EXPH5: variants seen among roughly 807,000 people sequenced by gnomAD.
The protein encoded by EXPH5 is exophilin-5.
Under a neutral mutation model 41.1 loss-of-function variants are expected in EXPH5, and 42 were observed. The observed-to-expected ratio is 1.02, with a 90% CI of 0.80 to 1.32. EXPH5 has a LOEUF of 1.32. Ranked by LOEUF, EXPH5 falls within the 40% of genes most tolerant of loss-of-function variation. The probability of loss-of-function intolerance (pLI) is 0.00; values close to 1 mark genes in which losing one functional copy is unlikely to be tolerated. For synonymous variants in EXPH5, 798 were observed against 833.5 expected, an observed-to-expected ratio of 0.96 and a Z score of 0.73; for missense variants, 2,298 against 2,314.5, an observed-to-expected ratio of 0.99 and a Z score of 0.15.
intron 1 of EXPH5, among the ~76,000 whole-genome samples, chr11:108,567,503 C>T (rs930152402): frequency 6.6e-6 from 1 of 152,164 alleles, no homozygotes; most frequent in Admixed American, 6.5e-5. Flanking sequence ...TCCATGCCAC[C>T]CCTTAAGTAC....
At chr11:108,544,631 TCCAGGA>T in intron 1 of EXPH5, among the ~76,000 whole-genome samples, 1 of 152,154 alleles carries the variant, frequency 6.6e-6, no homozygotes, top group East Asian at 1.9e-4. Context: ...TGAATTCCAC[TCCAGGA>T]AATTTATCTT....
At position 108,523,782 on chromosome 11, in the gene EXPH5, G is replaced by A. The variant is rs988451012; in HGVS notation, c.492+4354C>T. On this transcript the variant is annotated intron_variant, in intron 4 of 5. Coordinates refer to ENST00000265843, the MANE Select transcript of EXPH5 (RefSeq NM_015065.3). ...AGCTACTTGGGAGGCTGAGGTGGGA[G>A]GATCGCTTAAGCCCTGGGGGCAGAT... Among the ~76,000 whole-genome samples, 16 of 152,286 alleles carry A rather than the reference G, an allele frequency of 1.1e-4. 1 individual carries two copies. In the East Asian group the frequency reaches 3.1e-3, roughly 29 times the overall value.
intron 1 of EXPH5, among the ~76,000 whole-genome samples, chr11:108,561,222 T>C (rs1006558006): frequency 6.6e-6 from 1 of 152,228 alleles, no homozygotes; most frequent in African/African-American, 2.4e-5. Context: ...ATTTGGTATA[T>C]GTTTATGGTT....
At position 108,511,459 on chromosome 11, in the gene EXPH5, C is replaced by T. The variant is rs1457021017; in HGVS notation, c.4048G>A (p.Val1350Ile). The T allele has an allele frequency of 1.3e-6, 2 of 1,581,196 alleles. No individual in the cohort carries two copies. The highest frequency in any genetic ancestry group is 4.5e-5 in the East Asian group (2 of 44,728). Residue 1350 changes from valine (V) to isoleucine (I), a missense_variant, in exon 6 of 6, where the codon GTT becomes ATT. Coordinates refer to ENST00000265843, the MANE Select transcript of EXPH5 (RefSeq NM_015065.3). ...LAPTLQEMASVEAAVSLPEEE... is the reference protein window; with the variant it reads ...LAPTLQEMASIEAAVSLPEEE... ...TCAGGAAGAGAAACAGCTGCCTCAA[C>T]AGAAGCCATTTCCTGTAATGTAGGA...
intron 1 of EXPH5, among the ~76,000 whole-genome samples, chr11:108,554,916 C>T (rs965647619): frequency 6.6e-6 from 1 of 152,144 alleles, no homozygotes; most frequent in Non-Finnish European, 1.5e-5. Flanking sequence ...CAGAGTGAGA[C>T]CCTGTCTCCC....
chr11:108,593,165 C>G (rs1346757418), intron 1 of EXPH5, among the ~76,000 whole-genome samples: 2 of 152,228 alleles, frequency 1.3e-5, no homozygotes, highest in East Asian at 1.9e-4. Flanking sequence ...ACGGACCCCC[C>G]CACCCTGCCC....
chr11:108,598,608 C>A (rs1358582306), upstream of EXPH5, among the ~76,000 whole-genome samples: 2 of 151,954 alleles, frequency 1.3e-5, no homozygotes, highest in African/African-American at 4.8e-5. Flanking sequence ...GAAGGGTACC[C>A]TGAGGTGACA....
intron 1 of EXPH5, 112 bp downstream of exon 1, chr11:108,593,306 C>T (rs80319620): frequency 1.1e-5 from 10 of 890,400 alleles, no homozygotes; most frequent in South Asian, 1.6e-5. Flanking sequence ...CCGCAGCAGC[C>T]GCTCGGAGCA....
intron 1 of EXPH5, among the ~76,000 whole-genome samples, chr11:108,589,064 C>T (rs2094121303): frequency 6.6e-6 from 1 of 152,212 alleles, no homozygotes; most frequent in African/African-American, 2.4e-5. Flanking sequence ...AGGCATTGTT[C>T]TTGTTGTCCC....
Position 108,541,732 on chromosome 11 carries a change from T to G in EXPH5, c.200A>C (p.Lys67Thr). ...GCTAACATCTGTTTCATTGCAAAAC[T>G]TTTTTCTTTGAATTTCTTCAAACCA... ...GEWFEEIQRK[K>T]FCNETDVSQM... Residue 67 changes from lysine (K) to threonine (T), a missense_variant, in exon 2 of 6, where the codon AAG (lysine) becomes ACG (threonine). Physicochemically the swap from Lys to Thr is moderately conservative, Grantham distance 78. Coordinates refer to ENST00000265843, the MANE Select transcript of EXPH5 (RefSeq NM_015065.3). 6.2e-7 allele frequency: 1 copy of G among 1,613,150 alleles called. No homozygotes were observed. The highest frequency in any genetic ancestry group is 8.5e-7 in the Non-Finnish European group (1 of 1,179,306).
At position 108,510,353 on chromosome 11, in the gene EXPH5, G is replaced by T; in HGVS notation, c.5154C>A (p.Asp1718Glu). 1.9e-6 allele frequency: 3 copies of T among 1,614,178 alleles called. No individual in the cohort carries two copies. Among genetic ancestry groups the T allele is most frequent in the East Asian group, 4.5e-5 (2 of 44,882 alleles). The change falls in exon 6 of 6, where the codon GAC becomes GAA. Residue 1718 changes from aspartate to glutamate, a missense_variant. Coordinates refer to ENST00000265843, the MANE Select transcript of EXPH5 (RefSeq NM_015065.3). Reference sequence around the variant, plus strand: ...TTACTAAATTCTGAGCTGCTGTGACGTCTTTAGAATTCTCATGCTTTGATG... The same window carrying T: ...TTACTAAATTCTGAGCTGCTGTGACTTCTTTAGAATTCTCATGCTTTGATG... ...ESPSKHENSKDVTAAQNLVRE... is the reference protein window; with the variant it reads ...ESPSKHENSKEVTAAQNLVRE...
intron 1 of EXPH5, among the ~76,000 whole-genome samples, chr11:108,551,098 C>T (rs1253638580): frequency 6.6e-6 from 1 of 152,178 alleles, no homozygotes; most frequent in African/African-American, 2.4e-5. Context: ...ATTGCCAATC[C>T]TCACCCTAAC....
intron 1 of EXPH5, among the ~76,000 whole-genome samples, chr11:108,589,587 C>T (rs1202847648): frequency 6.6e-6 from 1 of 152,174 alleles, no homozygotes; most frequent in Non-Finnish European, 1.5e-5. Flanking sequence ...ACTCCAGGCA[C>T]CGTAACATCT....
intron 5 of EXPH5, among the ~76,000 whole-genome samples, chr11:108,517,818 G>A (rs1406225774): frequency 2.6e-5 from 4 of 151,908 alleles, no homozygotes; most frequent in Admixed American, 2.6e-4. Flanking sequence ...GAGTGCAGTG[G>A]CATGATCTCG....
At chr11:108,597,872 C>T (rs1051544525), upstream of EXPH5, among the ~76,000 whole-genome samples, 7 of 152,140 alleles carry the variant, frequency 4.6e-5, no homozygotes, top group East Asian at 7.7e-4. Context: ...AGAAGGAGTA[C>T]GAATTAGTGG....
intron 2 of EXPH5, 118 bp downstream of exon 2, chr11:108,541,534 G>T: frequency 5.0e-6 from 3 of 595,568 alleles, no homozygotes; most frequent in East Asian, 3.1e-5. Context: ...TGTGGCTTAT[G>T]ACTTTAAAAT....
chr11:108,594,613 C>T (rs915683067), upstream of EXPH5, among the ~76,000 whole-genome samples: 5 of 152,078 alleles, frequency 3.3e-5, no homozygotes, highest in African/African-American at 1.2e-4. Context: ...AAGGCTTTTA[C>T]AGAAAACATG....
chr11:108,536,545 G>A (rs544486588), intron 3 of EXPH5, among the ~76,000 whole-genome samples: 29 of 152,296 alleles, frequency 1.9e-4, no homozygotes, highest in African/African-American at 5.1e-4. Flanking sequence ...GATTACAGGC[G>A]TGAGCCGTCA....
At chr11:108,550,398 C>T (rs1033636816) in intron 1 of EXPH5, among the ~76,000 whole-genome samples, 1 of 152,130 alleles carries the variant, frequency 6.6e-6, no homozygotes, top group African/African-American at 2.4e-5. Context: ...ATGAGTGATC[C>T]CCGGCAACCC....
Sources: allele counts gnomAD v4.1 joint callset (sites outside exome capture counted in the v4.1 genomes callset), GRCh38; gene constraint gnomAD v4.1.1; transcripts MANE v1.5; gene names NCBI Gene and HGNC (gene_info 2026-07-23, HGNC 2026-07-21).